The following CD44 variants were observed in gnomAD, a reference collection of about 807,000 sequenced individuals.
CD44 encodes CD44 molecule (IN blood group).
A neutral mutation model predicts 88.8 loss-of-function variants in CD44; 49 were observed. That is an observed-to-expected ratio of 0.55 (90% confidence interval 0.44 to 0.70). The LOEUF is 0.70. CD44 is among the 30% of genes least tolerant of loss of function. The pLI, the probability that CD44 is intolerant of heterozygous loss-of-function variation, is 0.00. For missense variants in CD44, 883 were observed against 913.8 expected (o/e 0.97, Z 0.43); for synonymous variants, 325 against 312.3 (o/e 1.04, Z -0.43).
rs766939077 is a variant in CD44 at position 35,229,373 on chromosome 11, A to T, written c.*40A>T. ...TCTTGGAAAGAAACAACCGTTGGAA[A>T]CATAACCATTACAGGGAGCTGGGAC... On this transcript the variant is annotated 3_prime_UTR_variant, in exon 18 of 18. Coordinates refer to ENST00000428726, the MANE Select transcript of CD44 (RefSeq NM_000610.4). 3.2e-5 allele frequency: 43 copies of T among 1,332,018 alleles called. No homozygotes were observed. The highest frequency in any genetic ancestry group is 4.1e-5 in the Non-Finnish European group (38 of 928,410). The allele number at this position is 1,332,018 out of a possible 1,614,324, so 82.5% of individuals were successfully genotyped here. A position where few individuals can be genotyped will look rare whatever the true frequency, so the allele number is the denominator to read the frequency against.
chr11:35,223,735 G>C (rs757827146), intron 17 of CD44, among the ~76,000 whole-genome samples: 69 of 152,308 alleles, frequency 4.5e-4, no homozygotes, highest in Admixed American at 2.2e-3. Flanking sequence ...CAGCTAAAAG[G>C]TGGTGAACAG....
rs55927701 is a variant in CD44 at position 35,222,072 on chromosome 11, A to G, written c.2024+340A>G. ...TGTTTTTTAGGGTTAAACCTCATGC[A>G]GACTCTGTCTGATGAAAGTTATGAA... On this transcript the variant is annotated intron_variant, in intron 17 of 17. Transcript: ENST00000428726. Among the ~76,000 whole-genome samples, 28 of 152,374 alleles carry G rather than the reference A, an allele frequency of 1.8e-4. No individual in the cohort carries two copies. The South Asian group carries it at 5.4e-3, about 29-fold the overall frequency.
At chr11:35,192,552 C>T (rs1036246343) in intron 5 of CD44, among the ~76,000 whole-genome samples, 10 of 152,090 alleles carry the variant, frequency 6.6e-5, no homozygotes, top group Non-Finnish European at 1.3e-4. Context: ...GTCTTTGGCT[C>T]GGCTGGCTCA....
At chr11:35,174,250 A>G (rs1460343305) in intron 1 of CD44, among the ~76,000 whole-genome samples, 1 of 152,168 alleles carries the variant, frequency 6.6e-6, no homozygotes. Flanking sequence ...GTTGGTAAAT[A>G]AGTGGAATCT....
chr11:35,145,494 C>A (rs1031256515), intron 1 of CD44, among the ~76,000 whole-genome samples: 2 of 152,006 alleles, frequency 1.3e-5, no homozygotes, highest in African/African-American at 4.8e-5. Context: ...TGTTTGTTTG[C>A]GGCTTTGGTG....
intron 1 of CD44, among the ~76,000 whole-genome samples, chr11:35,154,751 C>G (rs118065209): frequency 0.014 from 2,120 of 152,244 alleles, 18 homozygotes; most frequent in Middle Eastern, 0.02. Flanking sequence ...TCATGTGTCT[C>G]GTGTGATTGT....
rs920670549 is a variant in CD44, at chr11:35,204,638, C to T, written c.1280C>T (p.Ala427Val). 2 of 1,612,644 alleles carry T rather than the reference C, an allele frequency of 1.2e-6. No homozygotes were observed. Among genetic ancestry groups the T allele is most frequent in the Admixed American group, 3.3e-5 (2 of 59,938 alleles). ...GACTCCCATTCGACAACAGGGACAG[C>T]TGGTAATGGATGGTTTAACAAGTAA... is the stretch of plus-strand genomic sequence containing the variant. ...KEDSHSTTGT[A>V]AASAHTSHPM... Residue 427 changes from alanine (A) to valine (V), a missense_variant and splice_region_variant, in exon 10 of 18, where the codon GCT becomes GTT. Ala to Val is a moderately conservative substitution (Grantham distance 64, BLOSUM62 0). Transcript: ENST00000428726.
chr11:35,170,243 T>C (rs563164565), intron 1 of CD44, among the ~76,000 whole-genome samples: 54 of 152,316 alleles, frequency 3.5e-4, no homozygotes, highest in Non-Finnish European at 7.2e-4. Flanking sequence ...GGGTCAGGAA[T>C]TGAACCAGGT....
At chr11:35,176,489 T>C (rs552161859) in intron 1 of CD44, 86 bp from the exon 2 acceptor site, 231 of 1,336,340 alleles carry the variant, frequency 1.7e-4, no homozygotes, top group Non-Finnish European at 2.3e-4. Flanking sequence ...TATTTGACTT[T>C]TTAAGGAGTC....
intron 15 of CD44, among the ~76,000 whole-genome samples, chr11:35,215,832 A>G (rs1355960749): frequency 6.6e-6 from 1 of 151,626 alleles, no homozygotes; most frequent in Non-Finnish European, 1.5e-5. Context: ...AGATTGCACC[A>G]CTGCACTCCA....
chr11:35,172,380 C>T (rs887222180), intron 1 of CD44, among the ~76,000 whole-genome samples: 1 of 152,202 alleles, frequency 6.6e-6, no homozygotes, highest in African/African-American at 2.4e-5. Context: ...ATGGTTTTGG[C>T]AACCACTGAG....
chr11:35,218,876 T>C (rs1949058892), intron 15 of CD44: 1 of 167,876 alleles, frequency 6.0e-6, no homozygotes, highest in Non-Finnish European at 1.3e-5. Context: ...CACACACAAC[T>C]ACCAATACCG....
intron 3 of CD44, among the ~76,000 whole-genome samples, chr11:35,181,702 A>T (rs1945016466): frequency 7.4e-6 from 1 of 136,040 alleles, no homozygotes; most frequent in Non-Finnish European, 1.5e-5. Flanking sequence ...ATTTATTTAT[A>T]TATATTTATA....
intron 1 of CD44, among the ~76,000 whole-genome samples, chr11:35,149,509 C>G (rs924815801): frequency 2.0e-5 from 3 of 152,232 alleles, no homozygotes; most frequent in Non-Finnish European, 4.4e-5. Context: ...GTTTAGTTCA[C>G]AGAAGGTATC....
At position 35,157,242 on chromosome 11, in the gene CD44, T is replaced by C. The variant is rs558024665; in HGVS notation, c.67+17872T>C. Among the ~76,000 whole-genome samples the C allele has an allele frequency of 1.6e-4, 25 of 152,250 alleles. No homozygotes were observed. The South Asian group carries it at 4.6e-3, about 28-fold the overall frequency. Reference sequence around the variant, plus strand: ...ATTTTGATGGGATTGTGACTTACCATGGTGGATGCATCCTGTGAGTTCCAA... The same window carrying C: ...ATTTTGATGGGATTGTGACTTACCACGGTGGATGCATCCTGTGAGTTCCAA... On this transcript the variant is annotated intron_variant, in intron 1 of 17. Transcript: ENST00000428726.
At chr11:35,145,646 C>CAA (rs1858997710) in intron 1 of CD44, among the ~76,000 whole-genome samples, 2 of 152,150 alleles carry the variant, frequency 1.3e-5, no homozygotes, top group Admixed American at 6.5e-5. Context: ...CCAGCAGCAG[C>CAA]CACCTTGGGG....
At position 35,196,752 on chromosome 11, in the gene CD44, T is replaced by C; in HGVS notation, c.674T>C (p.Met225Thr). The change falls in exon 6 of 18, where the codon ATG (methionine) becomes ACG (threonine). Residue 225 changes from methionine to threonine, a missense_variant. This residue lies in a region of CD44 where 252 missense variants were observed against 322.9 expected (regional missense o/e 0.78). Transcript: ENST00000428726. ...TCAATCATGATTACAACAGCTTTGA[T>C]GAGCACTAGTGCTACAGCAACTGAG... ...STDRIPATTL[M>T]STSATATETA... 6.2e-7 allele frequency: 1 copy of C among 1,613,732 alleles called. No homozygotes were observed.
intron 17 of CD44, 112 bp from the exon 18 acceptor site, chr11:35,229,017 T>A: frequency 1.1e-6 from 1 of 910,434 alleles, no homozygotes; most frequent in African/African-American, 1.7e-5. Flanking sequence ...TGGCACACAC[T>A]AAAGCCATCA....
chr11:35,150,291 G>T (rs1489500065), intron 1 of CD44, among the ~76,000 whole-genome samples: 2 of 151,932 alleles, frequency 1.3e-5, no homozygotes, highest in Non-Finnish European at 2.9e-5. Context: ...GAATCTAGGG[G>T]AAAAAAAGCT....
Sources: gnomAD v4.1 joint callset for allele counts (sites outside exome capture counted in the v4.1 genomes callset) on GRCh38, gnomAD v4.1.1 for gene constraint, gnomAD v4.1.1 regional missense constraint, MANE v1.5 for transcripts, NCBI Gene and HGNC (gene_info 2026-07-23, HGNC 2026-07-21) for gene names.